The following KCNIP4 variants were observed in gnomAD, a reference collection of about 807,000 sequenced individuals.
KCNIP4 encodes potassium voltage-gated channel interacting protein 4.
A neutral mutation model predicts 34.0 loss-of-function variants in KCNIP4; 12 were observed. The observed-to-expected ratio is 0.35, with a 90% CI of 0.23 to 0.57. The LOEUF (loss-of-function observed/expected upper bound fraction) is 0.57, where lower values mean the gene tolerates loss of function less well. Ranked by LOEUF, KCNIP4 falls within the 20% of genes least tolerant of loss-of-function variation. The pLI, the probability that KCNIP4 is intolerant of heterozygous loss-of-function variation, is 0.83. For synonymous variants in KCNIP4, 124 were observed against 102.2 expected (o/e 1.21, Z -1.29); for missense variants, 238 against 311.7 (o/e 0.76, Z 1.78).
intron 1 of KCNIP4, among the ~76,000 whole-genome samples, chr4:21,473,086 A>G (rs1456839923): frequency 6.6e-6 from 1 of 152,148 alleles, no homozygotes; most frequent in Non-Finnish European, 1.5e-5. Flanking sequence ...TGACATGATG[A>G]TTGGCAACGT....
At chr4:21,219,306 A>G (rs1399798121) in intron 1 of KCNIP4, among the ~76,000 whole-genome samples, 2 of 152,320 alleles carry the variant, frequency 1.3e-5, no homozygotes, top group East Asian at 1.9e-4. Context: ...CAAAAAGCCT[A>G]AATGACAGAG....
chr4:21,230,246 C>A (rs76394713), intron 1 of KCNIP4, among the ~76,000 whole-genome samples: 1,550 of 152,226 alleles, frequency 0.01, 28 homozygotes, highest in African/African-American at 0.035. Context: ...AGGAAGAATT[C>A]TCTCCTGGAG....
intron 1 of KCNIP4, among the ~76,000 whole-genome samples, chr4:21,653,131 T>C (rs1238082563): frequency 6.6e-6 from 1 of 152,210 alleles, no homozygotes; most frequent in Non-Finnish European, 1.5e-5. Flanking sequence ...AAAGTGTGTG[T>C]GTGTGCATGC....
chr4:21,222,642 A>C (rs1758063549), intron 1 of KCNIP4, among the ~76,000 whole-genome samples: 1 of 152,058 alleles, frequency 6.6e-6, no homozygotes, highest in Non-Finnish European at 1.5e-5. Context: ...AACTAAGTAA[A>C]ATTTTTTACA....
chr4:21,092,583 C>T (rs1408308194), intron 1 of KCNIP4, among the ~76,000 whole-genome samples: 1 of 152,194 alleles, frequency 6.6e-6, no homozygotes, highest in Non-Finnish European at 1.5e-5. Flanking sequence ...TCTTCCTTCC[C>T]ACCTGCATCC....
chr4:21,670,344 C>T (rs892105161), intron 1 of KCNIP4, among the ~76,000 whole-genome samples: 1 of 148,668 alleles, frequency 6.7e-6, no homozygotes, highest in African/African-American at 2.5e-5. Context: ...CACTGCATAT[C>T]CTCACTCATA....
intron 1 of KCNIP4, among the ~76,000 whole-genome samples, chr4:21,295,662 A>G (rs1323931798): frequency 6.6e-6 from 1 of 152,096 alleles, no homozygotes; most frequent in African/African-American, 2.4e-5. Context: ...GCACTCATTT[A>G]AGTATTTTCA....
intron 1 of KCNIP4, among the ~76,000 whole-genome samples, chr4:21,261,492 A>G (rs1416990834): frequency 1.3e-5 from 2 of 152,188 alleles, no homozygotes; most frequent in Admixed American, 6.5e-5. Flanking sequence ...CTCCTGTGTC[A>G]TGAACATCAC....
chr4:20,891,448 T>C (rs974141969), intron 1 of KCNIP4, among the ~76,000 whole-genome samples: 1 of 151,922 alleles, frequency 6.6e-6, no homozygotes, highest in Admixed American at 6.6e-5. Context: ...CTACTAAAAA[T>C]ACAAAAATTA....
chr4:21,589,156 G>GTATATATATATATATATATA (rs375787939), intron 1 of KCNIP4, among the ~76,000 whole-genome samples: 1 of 71,214 alleles, frequency 1.4e-5, no homozygotes, highest in Non-Finnish European at 2.8e-5. Context: ...ATGGAGGTGT[G>GTATATATATATATATATATA]TATATATATA....
chr4:21,475,592 C>A (rs1653536845), intron 1 of KCNIP4, among the ~76,000 whole-genome samples: 1 of 152,144 alleles, frequency 6.6e-6, no homozygotes, highest in South Asian at 2.1e-4. Flanking sequence ...GTTGATCACC[C>A]TTGGCACACT....
chr4:21,140,890 G>A (rs1751900156), intron 1 of KCNIP4, among the ~76,000 whole-genome samples: 1 of 152,138 alleles, frequency 6.6e-6, no homozygotes, highest in Admixed American at 6.5e-5. Context: ...CCTGTCCCCT[G>A]CAGCCTGCCT....
chr4:21,915,685 G>A (rs919469847), intron 1 of KCNIP4, among the ~76,000 whole-genome samples: 13 of 152,198 alleles, frequency 8.5e-5, no homozygotes, highest in African/African-American at 3.1e-4. Flanking sequence ...CTATTACATA[G>A]TATGTGCCAG....
intron 3 of KCNIP4, among the ~76,000 whole-genome samples, chr4:20,838,372 A>G (rs1237551206): frequency 6.6e-6 from 1 of 152,204 alleles, no homozygotes; most frequent in African/African-American, 2.4e-5. Context: ...GAAACTTTTT[A>G]GGAATATTAA....
intron 3 of KCNIP4, among the ~76,000 whole-genome samples, chr4:20,779,897 G>C (rs1030001710): frequency 6.6e-6 from 1 of 152,158 alleles, no homozygotes; most frequent in Non-Finnish European, 1.5e-5. Flanking sequence ...GCATGGCCCT[G>C]CTAACACCTT....
chr4:21,239,860 C>A (rs1039045906), intron 1 of KCNIP4, among the ~76,000 whole-genome samples: 17 of 152,086 alleles, frequency 1.1e-4, no homozygotes, highest in Non-Finnish European at 2.9e-5. Flanking sequence ...TTGACCCAGC[C>A]ATCCCATTAC....
intron 1 of KCNIP4, among the ~76,000 whole-genome samples, chr4:21,910,953 C>G (rs768168754): frequency 3.7e-4 from 56 of 152,122 alleles, no homozygotes; most frequent in Non-Finnish European, 7.5e-4. Context: ...TAGCTGAAAT[C>G]TGCTATTCAT....
At chr4:21,181,830 T>C in intron 1 of KCNIP4, among the ~76,000 whole-genome samples, 1 of 152,154 alleles carries the variant, frequency 6.6e-6, no homozygotes, top group East Asian at 1.9e-4. Context: ...ACATTATTTA[T>C]CAAAGAGTAA....
chr4:21,258,613 A>G (rs1401073420), intron 1 of KCNIP4, among the ~76,000 whole-genome samples: 2 of 152,076 alleles, frequency 1.3e-5, no homozygotes, highest in Non-Finnish European at 2.9e-5. Flanking sequence ...TCATTCTGTC[A>G]ATTACTTGTG....
Sources: allele counts gnomAD v4.1 joint callset (sites outside exome capture counted in the v4.1 genomes callset), GRCh38; gene constraint gnomAD v4.1.1; transcripts MANE v1.5; gene names NCBI Gene and HGNC (gene_info 2026-07-23, HGNC 2026-07-21).